The following EIF2S3B variants were observed in gnomAD, a reference collection of about 807,000 sequenced individuals.
The protein encoded by EIF2S3B is eukaryotic translation initiation factor 2 subunit gamma B, also known as eukaryotic translation initiation factor 2 subunit 3B.
In EIF2S3B, 16 loss-of-function variants were observed where a neutral mutation model predicts 26.4. That is an observed-to-expected ratio of 0.61 (90% CI 0.41 to 0.92). The LOEUF (loss-of-function observed/expected upper bound fraction) is 0.92. EIF2S3B is among the 40% of genes least tolerant of loss of function. The probability of loss-of-function intolerance (pLI) is 0.00; values close to 1 mark genes in which losing one functional copy is unlikely to be tolerated. For missense variants in EIF2S3B, 510 were observed against 575.5 expected (o/e 0.89, Z 1.16); for synonymous variants, 183 against 204.4 (o/e 0.90, Z 0.89).
At chr12:10,508,525 CAAAAAAA>C, downstream of EIF2S3B, among the ~76,000 whole-genome samples, 189 of 63,012 alleles carry the variant, frequency 3.0e-3, 1 homozygote, top group African/African-American at 8.1e-3. Context: ...TGTTAGAAAG[CAAAAAAA>C]AAAAAAAAAA....
chr12:10,512,798 CTT>C (rs1375906602), downstream of EIF2S3B, among the ~76,000 whole-genome samples: 1 of 152,122 alleles, frequency 6.6e-6, no homozygotes, highest in African/African-American at 2.4e-5. Flanking sequence ...TTTCTCTTCT[CTT>C]GTATATAATA....
At chr12:10,510,978 G>A (rs1864698990), downstream of EIF2S3B, among the ~76,000 whole-genome samples, 2 of 151,998 alleles carry the variant, frequency 1.3e-5, no homozygotes, top group African/African-American at 4.8e-5. Flanking sequence ...GTCTTCTTTA[G>A]TGAAATCAAG....
At chr12:10,508,963 G>A (rs1864677880), downstream of EIF2S3B, among the ~76,000 whole-genome samples, 1 of 152,090 alleles carries the variant, frequency 6.6e-6, no homozygotes, top group Non-Finnish European at 1.5e-5. Flanking sequence ...ATATTTATGT[G>A]AGGGTAATAT....
At chr12:10,515,749 A>G (rs937816997) in intron 1 of EIF2S3B, among the ~76,000 whole-genome samples, 1 of 151,868 alleles carries the variant, frequency 6.6e-6, no homozygotes, top group Non-Finnish European at 1.5e-5. Context: ...CATTTTACAC[A>G]CAAAAAAACT....
In EIF2S3B at chr12:10,506,375, T is replaced by G. The variant is rs971122720; in HGVS notation, c.473T>G (p.Leu158Trp). The G allele has an allele frequency of 1.2e-6, 2 of 1,614,014 alleles. No homozygotes were observed. Among genetic ancestry groups the G allele is most frequent in the African/African-American group, 2.7e-5 (2 of 74,908 alleles). The change falls in exon 1 of 1, where the codon TTG becomes TGG. Residue 158 changes from leucine (L) to tryptophan (W), a missense_variant. Leu to Trp is a moderately conservative substitution (Grantham distance 61). Transcript: ENST00000538173. ...GCAGTGATGGATGCAGCTCTTCTGTTGATAGCTGGTAATGAATCTTGCCCT... is the reference window on the plus strand; with the variant it reads ...GCAGTGATGGATGCAGCTCTTCTGTGGATAGCTGGTAATGAATCTTGCCCT... ...GAAVMDAALL[L>W]IAGNESCPQP...
chr12:10,514,212 T>C (rs1367189436), intron 1 of EIF2S3B, among the ~76,000 whole-genome samples: 1 of 151,392 alleles, frequency 6.6e-6, no homozygotes, highest in Non-Finnish European at 1.5e-5. Context: ...TACTCTACTA[T>C]ATTGGGTTCC....
In EIF2S3B at chr12:10,514,095, GC is replaced by G. The variant is rs1471736890; in HGVS notation, c.1308+6887del. On this transcript the variant is annotated intron_variant, in intron 1 of 1. Transcript: ENST00000322446. ...AATGCTTGGTAAATTTTTTTTCTTA[GC>G]CATAATTTAAAAAATAATTTTTTTG... is the stretch of plus-strand genomic sequence containing the variant. 4.6e-5 allele frequency among the ~76,000 whole-genome samples: 7 copies of G among 152,094 alleles called. No individual in the cohort carries two copies. In the East Asian group the frequency reaches 1.3e-3, roughly 29 times the overall value.
At chr12:10,515,240 A>G (rs1311841737) in intron 1 of EIF2S3B, among the ~76,000 whole-genome samples, 1 of 152,010 alleles carries the variant, frequency 6.6e-6, no homozygotes, top group African/African-American at 2.4e-5. Context: ...ATGTTATATG[A>G]CATTCATCTG....
At position 10,517,193 on chromosome 12, in the gene EIF2S3B, T is replaced by C. The variant is rs534779349; in HGVS notation, c.1309-5410T>C. 4.7e-4 allele frequency among the ~76,000 whole-genome samples: 71 copies of C among 152,266 alleles called. No homozygotes were observed. In the East Asian group the frequency reaches 8.1e-3, roughly 17 times the overall value. On this transcript the variant is annotated intron_variant, in intron 1 of 1. Transcript: ENST00000322446. ...ATAGTTTCAGAAGGAATGGTACCAGTTCCTCCTTGTATCTCTGGTAGAATT... is the reference window on the plus strand; with the variant it reads ...ATAGTTTCAGAAGGAATGGTACCAGCTCCTCCTTGTATCTCTGGTAGAATT...
At chr12:10,514,331 C>T (rs1314091526) in intron 1 of EIF2S3B, among the ~76,000 whole-genome samples, 1 of 152,056 alleles carries the variant, frequency 6.6e-6, no homozygotes, top group African/African-American at 2.4e-5. Context: ...TCTCTTCTAA[C>T]ATAATATAAT....
chr12:10,506,154 T>G lies in EIF2S3B; in HGVS notation c.252T>G (p.Ala84=). The G allele has an allele frequency of 6.3e-7, 1 of 1,576,902 alleles. No homozygotes were observed. Among genetic ancestry groups the G allele is most frequent in the Non-Finnish European group, 8.7e-7 (1 of 1,146,038 alleles). The part of the protein sequence containing the change: ...ERNITIKLGY[A]NAKIYQLDDP... ...ATATTACAATCAAGCTTGGATATGC[T>G]AATGCTAAGATTTATCAACTTGATG... The change falls in exon 1 of 1, where the codon GCT becomes GCG. Residue 84 remains alanine (A), a synonymous_variant. Coordinates refer to ENST00000538173, the MANE Select transcript of EIF2S3B (RefSeq NM_001357734.3).
intron 1 of EIF2S3B, among the ~76,000 whole-genome samples, chr12:10,518,705 T>C (rs1311655283): frequency 1.3e-5 from 2 of 152,024 alleles, no homozygotes; most frequent in African/African-American, 2.4e-5. Context: ...AGCATTCTTA[T>C]ACACCAACAA....
chr12:10,510,347 CAT>C (rs537669787), downstream of EIF2S3B, among the ~76,000 whole-genome samples: 102 of 152,256 alleles, frequency 6.7e-4, no homozygotes, highest in African/African-American at 1.9e-3. Context: ...AGGACACACA[CAT>C]GTCTCATAAA....
intron 1 of EIF2S3B, among the ~76,000 whole-genome samples, chr12:10,519,608 C>T (rs1864807545): frequency 6.6e-6 from 1 of 152,142 alleles, no homozygotes; most frequent in African/African-American, 2.4e-5. Flanking sequence ...GCAATCTACT[C>T]ATCTGACAAA....
In EIF2S3B at chr12:10,506,186, G is replaced by A. The variant is rs1169951700; in HGVS notation, c.284G>A (p.Ser95Asn). The A allele has an allele frequency of 1.3e-6, 2 of 1,575,258 alleles. No individual in the cohort carries two copies. Among genetic ancestry groups the A allele is most frequent in the Non-Finnish European group, 1.7e-6 (2 of 1,144,610 alleles). ...NAKIYQLDDPSCPRPECYRSC... is the reference protein window; with the variant it reads ...NAKIYQLDDPNCPRPECYRSC... ...AAGATTTATCAACTTGATGACCCAA[G>A]TTGCCCTCGGCCAGAATGTTATCGA... The change falls in exon 1 of 1, where the codon AGT becomes AAT. Residue 95 changes from serine (S) to asparagine (N), a missense_variant. Ser to Asn is a conservative substitution (Grantham distance 46, BLOSUM62 1). Coordinates refer to ENST00000538173, the MANE Select transcript of EIF2S3B (RefSeq NM_001357734.3).
downstream of EIF2S3B, among the ~76,000 whole-genome samples, chr12:10,510,603 C>T (rs1864695001): frequency 1.3e-5 from 2 of 152,168 alleles, no homozygotes; most frequent in African/African-American, 4.8e-5. Context: ...GACATGTACA[C>T]TTTACGTACT....
At chr12:10,517,396 C>T (rs559456730) in intron 1 of EIF2S3B, among the ~76,000 whole-genome samples, 5 of 101,228 alleles carry the variant, frequency 4.9e-5, no homozygotes, top group South Asian at 3.7e-4. Flanking sequence ...AGTTTATTTG[C>T]GTAGAGGTGT....
intron 1 of EIF2S3B, among the ~76,000 whole-genome samples, chr12:10,522,254 G>A (rs1186007343): frequency 6.6e-6 from 1 of 152,126 alleles, no homozygotes; most frequent in Admixed American, 6.6e-5. Context: ...AGAGTCACTC[G>A]AGCCTAGGCG....
At chr12:10,514,150 C>T (rs1864731990) in intron 1 of EIF2S3B, among the ~76,000 whole-genome samples, 1 of 151,918 alleles carries the variant, frequency 6.6e-6, no homozygotes, top group Admixed American at 6.6e-5. Flanking sequence ...CCTAATTGGC[C>T]AATAGGTTTT....
Sources: gnomAD v4.1 joint callset for allele counts (sites outside exome capture counted in the v4.1 genomes callset) on GRCh38, gnomAD v4.1.1 for gene constraint, MANE v1.5 for transcripts, NCBI Gene and HGNC (gene_info 2026-07-23, HGNC 2026-07-21) for gene names.